SP1: variants seen among roughly 807,000 people sequenced by gnomAD.
The protein encoded by SP1 is Sp1 transcription factor.
In SP1, 6 loss-of-function variants were observed where a neutral mutation model predicts 66.3. That is an observed-to-expected ratio of 0.09 (90% CI 0.05 to 0.18). SP1 has a LOEUF of 0.18. Among genes scored for constraint, SP1 ranks in the 10% least tolerant of loss-of-function variants. The pLI is 1.00. For missense variants in SP1, 848 were observed against 964.5 expected (o/e 0.88, Z 1.60); for synonymous variants, 417 against 360.8 (o/e 1.16, Z -1.77).
chr12:53,383,079 G>A lies in SP1; in HGVS notation c.1132G>A (p.Gly378Ser), dbSNP rs766525577. The part of the protein sequence containing the change: ...LNIQQNQTSG[G>S]SLQAGQQKEG... ...CATCCAGCAAAACCAGACATCTGGA[G>A]GCTCATTGCAAGCAGGCCAGCAAAA... is the stretch of plus-strand genomic sequence containing the variant. The change falls in exon 3 of 6, where the codon GGC becomes AGC. Residue 378 changes from glycine to serine, a missense_variant. Coordinates refer to ENST00000327443, the MANE Select transcript of SP1 (RefSeq NM_138473.3). The A allele has an allele frequency of 1.2e-6, 2 of 1,614,210 alleles. No individual in the cohort carries two copies. The highest frequency in any genetic ancestry group is 8.5e-7 in the Non-Finnish European group (1 of 1,180,040).
rs1370034494 is a variant in SP1 at position 53,381,779 on chromosome 12, C to G, written c.128C>G (p.Thr43Arg). The G allele has an allele frequency of 6.2e-7, 1 of 1,613,922 alleles. No homozygotes were observed. Among genetic ancestry groups the G allele is most frequent in the African/African-American group, 1.3e-5 (1 of 74,906 alleles). ...GAFSQARSSSTGSSSSTGGGG... is the reference protein window; with the variant it reads ...GAFSQARSSSRGSSSSTGGGG... ...TTTTCACAGGCTCGAAGTAGCAGCACAGGCAGTAGCAGCAGCACTGGAGGA... is the reference window on the plus strand; with the variant it reads ...TTTTCACAGGCTCGAAGTAGCAGCAGAGGCAGTAGCAGCAGCACTGGAGGA... The change falls in exon 2 of 6, where the codon ACA becomes AGA. Residue 43 changes from threonine to arginine, a missense_variant. Coordinates refer to ENST00000327443, the MANE Select transcript of SP1 (RefSeq NM_138473.3).
Position 53,405,541 on chromosome 12 carries a change from A to G in SP1, c.1676-1044A>G, listed in dbSNP as rs150517418. ...AAAAGTTAGCCAGTCATGGTGGCAT[A>G]TACCTGTAGTTGCAGCTACTTGGGA... On this transcript the variant is annotated intron_variant, in intron 3 of 5. Transcript: ENST00000327443. Among the ~76,000 whole-genome samples, 477 of 152,190 alleles carry G rather than the reference A, an allele frequency of 3.1e-3. 1 individual carries two copies. Among genetic ancestry groups the G allele is most frequent in the South Asian group, 7.5e-3 (36 of 4,824 alleles).
At chr12:53,399,589 C>T (rs969827017) in intron 3 of SP1, among the ~76,000 whole-genome samples, 2 of 151,852 alleles carry the variant, frequency 1.3e-5, no homozygotes, top group East Asian at 3.9e-4. Context: ...CCTCGGCCTC[C>T]CAAAGTGCTG....
chr12:53,385,148 A>G (rs1416091230), intron 3 of SP1, among the ~76,000 whole-genome samples: 3 of 150,030 alleles, frequency 2.0e-5, no homozygotes, highest in Non-Finnish European at 4.4e-5. Context: ...TAAAAAAATT[A>G]GCCAGGCATG....
At chr12:53,380,687 C>G (rs1204513739) in intron 1 of SP1, 1 of 986,268 alleles carries the variant, frequency 1.0e-6, no homozygotes, top group Non-Finnish European at 1.2e-6. Context: ...GCCCTCTGGT[C>G]GCCGCCTGCT....
chr12:53,415,541 CATT>C lies in SP1; in HGVS notation c.*4304_*4306del. ...TATTTTGTCCCATTTTCCCCTTCCT[CATT>C]ATCAAACAGCCCCAGTCTTCCTTGT... On this transcript the variant is annotated 3_prime_UTR_variant, in exon 6 of 6. Coordinates refer to ENST00000327443, the MANE Select transcript of SP1 (RefSeq NM_138473.3). The C allele has an allele frequency of 6.6e-6, 1 of 152,116 alleles. No homozygotes were observed. Among genetic ancestry groups the C allele is most frequent in the East Asian group, 1.9e-4 (1 of 5,162 alleles). The allele number at this position is 152,116 out of a possible 1,614,324, so 9.4% of individuals were successfully genotyped here. A position where few individuals can be genotyped will look rare whatever the true frequency, so the allele number is the denominator to read the frequency against.
At chr12:53,406,518 G>A in intron 3 of SP1, 67 bp from the exon 4 acceptor site, 1 of 1,272,888 alleles carries the variant, frequency 7.9e-7, no homozygotes, top group Non-Finnish European at 1.1e-6. Context: ...TGACTGTAGG[G>A]TATCACTGAG....
chr12:53,387,992 A>T (rs1938268088), intron 3 of SP1, among the ~76,000 whole-genome samples: 1 of 152,196 alleles, frequency 6.6e-6, no homozygotes, highest in Non-Finnish European at 1.5e-5. Context: ...TCTCAAAAAA[A>T]AAAAATGTAT....
intron 4 of SP1, among the ~76,000 whole-genome samples, chr12:53,407,546 C>A (rs1938772632): frequency 6.6e-6 from 1 of 150,972 alleles, no homozygotes; most frequent in Non-Finnish European, 1.5e-5. Context: ...GGATGGTCTT[C>A]ATCTCCTGAC....
At chr12:53,399,467 G>A (rs1366590416) in intron 3 of SP1, among the ~76,000 whole-genome samples, 1 of 151,544 alleles carries the variant, frequency 6.6e-6, no homozygotes, top group Non-Finnish European at 1.5e-5. Context: ...GAGTAGCTGG[G>A]GCTACAGGCG....
At chr12:53,402,951 C>T (rs958313603) in intron 3 of SP1, among the ~76,000 whole-genome samples, 11 of 148,572 alleles carry the variant, frequency 7.4e-5, no homozygotes, top group African/African-American at 1.5e-4. Flanking sequence ...CCAGCCTGGG[C>T]GACAGAGATT....
In SP1 at chr12:53,383,388, A is replaced by G. The variant is rs1351440860; in HGVS notation, c.1441A>G (p.Thr481Ala). Residue 481 changes from threonine to alanine, a missense_variant, in exon 3 of 6, where the codon ACA (threonine) becomes GCA (alanine). Around this residue, in one of 7 missense-constraint regions of SP1, gnomAD observed 606 missense variants for 589.9 expected, o/e 1.03. Coordinates refer to ENST00000327443, the MANE Select transcript of SP1 (RefSeq NM_138473.3). ...CCAAGTTCAGAACCCACAAGCCCAA[A>G]CAATCACCTTAGCCCCAATGCAGGG... ...NLQVQNPQAQ[T>A]ITLAPMQGVS... The G allele has an allele frequency of 6.2e-7, 1 of 1,614,168 alleles. No homozygotes were observed. The highest frequency in any genetic ancestry group is 2.2e-5 in the East Asian group (1 of 44,892).
At position 53,381,690 on chromosome 12, in the gene SP1, T is replaced by C; in HGVS notation, c.39T>C (p.Ala13=). Residue 13 remains alanine, a synonymous_variant, in exon 2 of 6, where the codon GCT becomes GCC. Coordinates refer to ENST00000327443, the MANE Select transcript of SP1 (RefSeq NM_138473.3). ...ATCACTCCATGGATGAAATGACAGC[T>C]GTGGTGAAAATTGAAAAAGGAGTTG... ...DQDHSMDEMT[A]VVKIEKGVGG... 6.2e-7 allele frequency: 1 copy of C among 1,613,806 alleles called. No individual in the cohort carries two copies. Among genetic ancestry groups the C allele is most frequent in the Non-Finnish European group, 8.5e-7 (1 of 1,179,896 alleles).
At chr12:53,388,905 G>A (rs866153541) in intron 3 of SP1, among the ~76,000 whole-genome samples, 2 of 151,894 alleles carry the variant, frequency 1.3e-5, no homozygotes, top group East Asian at 1.9e-4. Context: ...GCCTGAGCCC[G>A]GGAGGTTGAG....
At chr12:53,400,910 C>T (rs1389218956) in intron 3 of SP1, among the ~76,000 whole-genome samples, 2 of 151,712 alleles carry the variant, frequency 1.3e-5, no homozygotes, top group Non-Finnish European at 2.9e-5. Flanking sequence ...TACAGGTGCC[C>T]ACCACCATGC....
chr12:53,406,316 A>C, intron 3 of SP1, among the ~76,000 whole-genome samples: 1 of 151,760 alleles, frequency 6.6e-6, no homozygotes, highest in East Asian at 1.9e-4. Context: ...TGATCCGCCC[A>C]CCTCGGCCTC....
chr12:53,382,345 G>A lies in SP1; in HGVS notation c.398G>A (p.Gly133Asp). 6.2e-7 allele frequency: 1 copy of A among 1,614,204 alleles called. No individual in the cohort carries two copies. The highest frequency in any genetic ancestry group is 2.2e-5 in the East Asian group (1 of 44,892). Residue 133 changes from glycine to aspartate, a missense_variant, in exon 3 of 6, where the codon GGC becomes GAC. Transcript: ENST00000327443. ...GGCAGCAGTACCAATGGCAGCAATG[G>A]CAGTGAGTCTTCCAAGAATCGCACA... ...QSGSSTNGSN[G>D]SESSKNRTVS... is the part of the protein sequence containing the mutation.
intron 3 of SP1, among the ~76,000 whole-genome samples, chr12:53,402,246 G>A (rs1229091967): frequency 1.4e-5 from 2 of 145,118 alleles, no homozygotes; most frequent in Non-Finnish European, 3.0e-5. Context: ...TTTTTAAGAC[G>A]GAGTTTTGCT....
chr12:53,387,327 C>T (rs536547488), intron 3 of SP1, among the ~76,000 whole-genome samples: 1 of 152,186 alleles, frequency 6.6e-6, no homozygotes, highest in Non-Finnish European at 1.5e-5. Flanking sequence ...TTCCATTTAA[C>T]TGATTCTTAC....
Sources: allele counts gnomAD v4.1 joint callset (sites outside exome capture counted in the v4.1 genomes callset), GRCh38; gene constraint gnomAD v4.1.1; regional missense constraint gnomAD v4.1.1; transcripts MANE v1.5; gene names NCBI Gene and HGNC (gene_info 2026-07-23, HGNC 2026-07-21).